GCN1: variants seen among roughly 807,000 people sequenced by gnomAD.
The protein encoded by GCN1 is stalled ribosome sensor GCN1.
A neutral mutation model predicts 288.4 loss-of-function variants in GCN1; 90 were observed. That is an observed-to-expected ratio of 0.31 (90% confidence interval 0.26 to 0.37). The LOEUF is 0.37. Among genes scored for constraint, GCN1 ranks in the 10% least tolerant of loss-of-function variants. GCN1 has a pLI of 1.00. For missense variants in GCN1, 2,586 were observed against 3,419.9 expected, an observed-to-expected ratio of 0.76 and a Z score of 6.08; for synonymous variants, 1,386 against 1,420.2, an observed-to-expected ratio of 0.98 and a Z score of 0.54.
At chr12:120,177,108 G>C (rs1878503509) in intron 9 of GCN1, among the ~76,000 whole-genome samples, 1 of 152,020 alleles carries the variant, frequency 6.6e-6, no homozygotes, top group African/African-American at 2.4e-5. Flanking sequence ...ACTCAGGCTG[G>C]ATAGAGTGCA....
intron 16 of GCN1, among the ~76,000 whole-genome samples, chr12:120,165,002 TACACACACACACAC>T (rs55710290): frequency 6.6e-5 from 9 of 136,894 alleles, no homozygotes; most frequent in Admixed American, 2.2e-4. Context: ...TACACATATA[TACACACACACACAC>T]ACACACACAC....
chr12:120,145,427 G>A, intron 38 of GCN1, 97 bp from the exon 39 acceptor site: 2 of 921,414 alleles, frequency 2.2e-6, no homozygotes, highest in Non-Finnish European at 3.2e-6. Context: ...CTGCTGGCAA[G>A]GAGTGCTTGG....
In GCN1 at chr12:120,155,382, C is replaced by T; in HGVS notation, c.3489G>A (p.Leu1163=). Reference sequence around the variant, plus strand: ...CATGATAGATCACGTCGTCAATCAGCAAGGAGCAGAGGTCTGGCTGCAGGT... The same window carrying T: ...CATGATAGATCACGTCGTCAATCAGTAAGGAGCAGAGGTCTGGCTGCAGGT... ...GLDLQPDLCS[L]LIDDVIYHEA... is the part of the protein sequence containing the mutation. Residue 1163 remains leucine (L), a synonymous_variant, in exon 30 of 58, where the codon TTG becomes TTA. Coordinates refer to ENST00000300648, the MANE Select transcript of GCN1 (RefSeq NM_006836.2). This position sits in a 1 kb window ranked among gnomAD's most constrained non-coding sequence, Gnocchi z 4.9. 6.2e-7 allele frequency: 1 copy of T among 1,614,124 alleles called. No homozygotes were observed. The highest frequency in any genetic ancestry group is 1.3e-5 in the African/African-American group (1 of 75,062).
rs746202652 is a variant in GCN1 at position 120,173,814 on chromosome 12, G to T, written c.1205C>A (p.Thr402Asn). 6.2e-7 allele frequency: 1 copy of T among 1,613,676 alleles called. No individual in the cohort carries two copies. The highest frequency in any genetic ancestry group is 2.2e-5 in the East Asian group (1 of 44,870). The part of the protein sequence containing the change: ...PFLQQEVHEG[T>N]LVHAVSVLAL... ...CAGGACTGAGACAGCGTGTACCAAGGTCCCTTCATGAACTAGGGCAAAAAG... is the reference window on the plus strand; with the variant it reads ...CAGGACTGAGACAGCGTGTACCAAGTTCCCTTCATGAACTAGGGCAAAAAG... Residue 402 changes from threonine (T) to asparagine (N), a missense_variant, in exon 14 of 58, where the codon ACC becomes AAC. This residue lies in a region of GCN1 where 913 missense variants were observed against 1,107.0 expected (regional missense o/e 0.82). Coordinates refer to ENST00000300648, the MANE Select transcript of GCN1 (RefSeq NM_006836.2).
intron 5 of GCN1, among the ~76,000 whole-genome samples, chr12:120,182,338 C>T (rs901424342): frequency 6.6e-6 from 1 of 152,114 alleles, no homozygotes; most frequent in African/African-American, 2.4e-5. Context: ...CATCATCAAT[C>T]AATTATACTG....
chr12:120,130,966 G>A (rs1397816410), intron 55 of GCN1, among the ~76,000 whole-genome samples: 1 of 152,160 alleles, frequency 6.6e-6, no homozygotes, highest in Non-Finnish European at 1.5e-5. Flanking sequence ...TGACCCAGAA[G>A]GGGCATCTAG....
Position 120,155,238 on chromosome 12 carries a change from C to CA in GCN1, c.3630+2dup. ...CTGCATCAGGGCTGCACAGGTCACT[C>CA]ACGTAGAGCTTTTCCTGGTAAATCT... On this transcript the variant is annotated splice_region_variant and intron_variant, in intron 30 of 57. Transcript: ENST00000300648. The surrounding 1 kb of genome is among the most constrained non-coding windows in gnomAD (Gnocchi z 4.9). 6.2e-7 allele frequency: 1 copy of CA among 1,614,032 alleles called. No homozygotes were observed. Among genetic ancestry groups the CA allele is most frequent in the Non-Finnish European group, 8.5e-7 (1 of 1,179,898 alleles).
intron 33 of GCN1, among the ~76,000 whole-genome samples, chr12:120,152,068 C>T (rs577612356): frequency 1.1e-4 from 16 of 152,250 alleles, no homozygotes; most frequent in African/African-American, 3.1e-4. Flanking sequence ...CTTACTCTGT[C>T]ACCCAGGCTA....
At chr12:120,173,180 C>A (rs1479773050) in intron 14 of GCN1, among the ~76,000 whole-genome samples, 1 of 151,960 alleles carries the variant, frequency 6.6e-6, no homozygotes, top group African/African-American at 2.4e-5. Context: ...CCTCAGCCTC[C>A]CACGTAGCTG....
In GCN1 at chr12:120,138,040, G is replaced by A; in HGVS notation, c.6254C>T (p.Thr2085Ile). ...CACCCGGGTGTTGACAGGTGGCGTT[G>A]TCAGCTGGTGGAATGACAAACATTA... ...VVLPYLVPKL[T>I]TPPVNTRVLA... Residue 2085 changes from threonine (T) to isoleucine (I), a missense_variant, in exon 48 of 58, where the codon ACA (threonine) becomes ATA (isoleucine). Thr to Ile is a moderately conservative substitution (Grantham distance 89). This residue lies in a region of GCN1 where 437 missense variants were observed against 570.5 expected (regional missense o/e 0.77). Coordinates refer to ENST00000300648, the MANE Select transcript of GCN1 (RefSeq NM_006836.2). The A allele has an allele frequency of 1.2e-6, 2 of 1,611,884 alleles. No homozygotes were observed. Among genetic ancestry groups the A allele is most frequent in the Non-Finnish European group, 1.7e-6 (2 of 1,179,038 alleles).
Position 120,127,900 on chromosome 12 carries a change from C to T in GCN1, c.7965G>A (p.Leu2655=), listed in dbSNP as rs982871582. 27 of 1,614,056 alleles carry T rather than the reference C, an allele frequency of 1.7e-5. No homozygotes were observed. Among genetic ancestry groups the T allele is most frequent in the South Asian group, 2.2e-5 (2 of 91,084 alleles). The stretch of plus-strand genomic sequence containing the variant: ...GCTCCGTGGAGTCGGCCTGGCTGGC[C>T]AGCTTCTTCAGGGACCTTCGGTTAA... The part of the protein sequence containing the change: ...NEVNRRSLKK[L]ASQADSTEQV... The change falls in exon 58 of 58, where the codon CTG becomes CTA. Residue 2655 remains leucine (L), a synonymous_variant. Transcript: ENST00000300648.
At position 120,160,311 on chromosome 12, in the gene GCN1, C is replaced by G. The variant is rs1003654691; in HGVS notation, c.2437-56G>C. 2.5e-6 allele frequency: 3 copies of G among 1,210,430 alleles called. No individual in the cohort carries two copies. The African/African-American group carries it at 4.5e-5, about 18-fold the overall frequency. The allele number at this position is 1,210,430 out of a possible 1,614,324, so 75.0% of individuals were successfully genotyped here. A position where few individuals can be genotyped will look rare whatever the true frequency, so the allele number is the denominator to read the frequency against. ...ATCTCCAGGGAACAGACCTCCCTCC[C>G]CAACAGAGGAAGGTGAGCTTGCTTC... On this transcript the variant is annotated intron_variant, in intron 22 of 57. Transcript: ENST00000300648.
At chr12:120,190,560 C>T (rs1878971373) in intron 1 of GCN1, among the ~76,000 whole-genome samples, 160 bp from the exon 2 acceptor site, 1 of 152,178 alleles carries the variant, frequency 6.6e-6, no homozygotes, top group South Asian at 2.1e-4. Flanking sequence ...GTTGTGGGGG[C>T]CGTGTTTTTA....
At chr12:120,165,459 C>T (rs78983971) in intron 16 of GCN1, among the ~76,000 whole-genome samples, 31,177 of 151,920 alleles carry the variant, frequency 0.21, 3,836 homozygotes, top group East Asian at 0.56. Flanking sequence ...CGTGAGCCAC[C>T]GCACCTAGCC....
At position 120,164,329 on chromosome 12, in the gene GCN1, C is replaced by G; in HGVS notation, c.1848+7G>C. ...GAGCCCCAGTTCTAGAGCCCAGATG[C>G]CCTCACCTTGTGAGAACTGAGGACA... On this transcript the variant is annotated splice_region_variant and intron_variant, in intron 18 of 57. Coordinates refer to ENST00000300648, the MANE Select transcript of GCN1 (RefSeq NM_006836.2). 6.2e-7 allele frequency: 1 copy of G among 1,610,640 alleles called. No individual in the cohort carries two copies. Among genetic ancestry groups the G allele is most frequent in the East Asian group, 2.2e-5 (1 of 44,820 alleles).
In GCN1 at chr12:120,153,124, C is replaced by A; in HGVS notation, c.4062+89G>T. 1.8e-6 allele frequency: 2 copies of A among 1,114,858 alleles called. No homozygotes were observed. Among genetic ancestry groups the A allele is most frequent in the East Asian group, 2.5e-5 (1 of 40,174 alleles). The allele number at this position is 1,114,858 out of a possible 1,614,324, so 69.1% of individuals were successfully genotyped here. A position where few individuals can be genotyped will look rare whatever the true frequency, so the allele number is the denominator to read the frequency against. ...CTGGGCTTTCAGGGCCCTGATTGTC[C>A]AACTCCACCCCTAGTATCCCACCGC... is the stretch of plus-strand genomic sequence containing the variant. On this transcript the variant is annotated intron_variant, in intron 33 of 57. Transcript: ENST00000300648. This position sits in a 1 kb window ranked among gnomAD's most constrained non-coding sequence, Gnocchi z 4.4.
chr12:120,152,586 A>G (rs1391563278), intron 33 of GCN1, among the ~76,000 whole-genome samples: 1 of 127,716 alleles, frequency 7.8e-6, no homozygotes, highest in Non-Finnish European at 1.6e-5. Flanking sequence ...CCAACTGTTC[A>G]CTTTATGAAG....
chr12:120,171,368 G>C (rs188960139), intron 14 of GCN1, among the ~76,000 whole-genome samples: 3 of 152,002 alleles, frequency 2.0e-5, no homozygotes, highest in Admixed American at 1.3e-4. Context: ...TCAGGAGGCT[G>C]AGGTTGGAGA....
Position 120,137,936 on chromosome 12 carries a change from G to C in GCN1, c.6358C>G (p.Leu2120Val). The change falls in exon 48 of 58, where the codon CTG (leucine) becomes GTG (valine). Residue 2120 changes from leucine to valine, a missense_variant. Physicochemically the swap from Leu to Val is conservative, Grantham distance 32. Transcript: ENST00000300648. The surrounding 1 kb of genome is among the most constrained non-coding windows in gnomAD (Gnocchi z 5.2). ...GVILPAVMLA[L>V]KEKLGTPDEQ... Reference sequence around the variant, plus strand: ...TCTGGGGTCCCAAGCTTTTCCTTCAGGGCCAGCATGACCGCTGGGAGGATC... The same window carrying C: ...TCTGGGGTCCCAAGCTTTTCCTTCACGGCCAGCATGACCGCTGGGAGGATC... 6.2e-7 allele frequency: 1 copy of C among 1,614,168 alleles called. No individual in the cohort carries two copies. The highest frequency in any genetic ancestry group is 8.5e-7 in the Non-Finnish European group (1 of 1,180,014).
Sources: gnomAD v4.1 joint callset for allele counts (sites outside exome capture counted in the v4.1 genomes callset) on GRCh38, gnomAD v4.1.1 for gene constraint, gnomAD v4.1.1 regional missense constraint, Gnocchi (gnomAD v3.1) non-coding constraint, MANE v1.5 for transcripts, NCBI Gene and HGNC (gene_info 2026-07-23, HGNC 2026-07-21) for gene names.